The following RNF19B variants were observed in gnomAD, a reference collection of about 807,000 sequenced individuals.
The protein encoded by RNF19B is ring finger protein 19B.
A neutral mutation model predicts 65.5 loss-of-function variants in RNF19B; 23 were observed. The observed-to-expected ratio is 0.35, with a 90% CI of 0.25 to 0.50. The LOEUF (loss-of-function observed/expected upper bound fraction) is 0.50, where lower values mean the gene tolerates loss of function less well. Ranked by LOEUF, RNF19B falls within the 20% of genes least tolerant of loss-of-function variation. RNF19B has a pLI of 0.98. For synonymous variants in RNF19B, 372 were observed against 379.6 expected (o/e 0.98, Z 0.23); for missense variants, 794 against 980.0 (o/e 0.81, Z 2.53).
chr1:32,954,835 A>T (rs1642596868), intron 1 of RNF19B, among the ~76,000 whole-genome samples: 1 of 152,038 alleles, frequency 6.6e-6, no homozygotes, highest in Non-Finnish European at 1.5e-5. Flanking sequence ...ACACGTTCTA[A>T]AACTGCATGT....
intron 8 of RNF19B, chr1:32,938,194 T>G: frequency 9.0e-6 from 2 of 222,946 alleles, no homozygotes; most frequent in Non-Finnish European, 1.5e-5. Flanking sequence ...AGAAAAGAAA[T>G]CTCTAAAAAT....
downstream of RNF19B, among the ~76,000 whole-genome samples, chr1:32,933,269 TTG>T (rs1491335898): frequency 2.1e-4 from 30 of 145,468 alleles, no homozygotes; most frequent in Admixed American, 2.8e-4. Flanking sequence ...TTTTTTTTTT[TTG>T]TGAGACGGAG....
intron 1 of RNF19B, 138 bp from the exon 2 acceptor site, chr1:32,949,912 A>C: frequency 1.6e-6 from 1 of 643,830 alleles, no homozygotes; most frequent in Non-Finnish European, 2.7e-6. Flanking sequence ...ACATACACAC[A>C]TATACACACA....
intron 1 of RNF19B, among the ~76,000 whole-genome samples, chr1:32,957,591 T>C (rs989203232): frequency 2.6e-5 from 4 of 152,130 alleles, no homozygotes; most frequent in Non-Finnish European, 4.4e-5. Flanking sequence ...CCCAGCACTT[T>C]GGGAGGGTGA....
Position 32,937,102 on chromosome 1 carries a change from G to A in RNF19B, c.1900C>T (p.Pro634Ser), listed in dbSNP as rs370533666. The A allele has an allele frequency of 3.7e-6, 6 of 1,614,170 alleles. No homozygotes were observed. In the Admixed American group the frequency reaches 8.3e-5, roughly 22 times the overall value. The change falls in exon 9 of 9, where the codon CCC (proline) becomes TCC (serine). Residue 634 changes from proline to serine, a missense_variant. This residue lies in a region of RNF19B where 368 missense variants were observed against 447.3 expected (regional missense o/e 0.82). Coordinates refer to ENST00000235150, the MANE Select transcript of RNF19B (RefSeq NM_001300826.2). ...TCACAGCTTTGGTGTCTGCAGGGGG[G>A]ATCCTCTTCACTGCCTCCGCCACCA... ...GSGGGGSEED[P>S]PCRHQSCEQK...
At chr1:32,958,738 T>C (rs1422625929) in intron 1 of RNF19B, among the ~76,000 whole-genome samples, 1 of 149,122 alleles carries the variant, frequency 6.7e-6, no homozygotes, top group East Asian at 1.9e-4. Flanking sequence ...AAAAAGATGG[T>C]TGGAAACTGT....
downstream of RNF19B, among the ~76,000 whole-genome samples, chr1:32,934,990 C>T (rs1051430558): frequency 1.3e-5 from 2 of 148,966 alleles, no homozygotes; most frequent in Admixed American, 1.3e-4. Flanking sequence ...CGCCACCACG[C>T]CCAGCTAATT....
At chr1:32,963,955 TTCCCTGCTTGGGACACCCACGCGGGG>T (rs1642835351) in intron 1 of RNF19B, 70 bp downstream of exon 1, 3 of 1,351,678 alleles carry the variant, frequency 2.2e-6, no homozygotes, top group Non-Finnish European at 2.8e-6. Flanking sequence ...CCTTGCGGGT[TTCCCTGCTTGGGACACCCACGCGGGG>T]TCCCTGCTGC....
downstream of RNF19B, among the ~76,000 whole-genome samples, chr1:32,931,972 A>C (rs1316438462): frequency 6.6e-6 from 1 of 152,224 alleles, no homozygotes; most frequent in East Asian, 1.9e-4. Context: ...CTAATCTAAG[A>C]AGCCCATCTT....
rs1041356073 is a variant in RNF19B, at chr1:32,945,496, T to C, written c.1261+18A>G. On this transcript the variant is annotated intron_variant, in intron 5 of 8. Transcript: ENST00000235150. ...TCAGAAAGCTGAGAGAGAAGAGGTG[T>C]GGTCCTGACTAGCTTACCAACACTA... 2.7e-6 allele frequency: 4 copies of C among 1,479,392 alleles called. No individual in the cohort carries two copies. The highest frequency in any genetic ancestry group is 3.8e-6 in the Non-Finnish European group (4 of 1,057,478). The allele number at this position is 1,479,392 out of a possible 1,614,324, so 91.6% of individuals were successfully genotyped here.
intron 1 of RNF19B, among the ~76,000 whole-genome samples, chr1:32,956,005 G>A (rs1557579925): frequency 6.6e-6 from 1 of 152,142 alleles, no homozygotes; most frequent in Non-Finnish European, 1.5e-5. Context: ...AAAGGCAGGA[G>A]GATCACTTGA....
chr1:32,952,367 G>T (rs1278905831), intron 1 of RNF19B, among the ~76,000 whole-genome samples: 2 of 145,956 alleles, frequency 1.4e-5, no homozygotes, highest in Non-Finnish European at 3.0e-5. Context: ...GCTGAGGCAG[G>T]AAGATCGCTT....
In RNF19B at chr1:32,964,458, C is replaced by A; in HGVS notation, c.228G>T (p.Pro76=). The A allele has an allele frequency of 5.1e-6, 5 of 981,706 alleles. No individual in the cohort carries two copies. Among genetic ancestry groups the A allele is most frequent in the Non-Finnish European group, 6.0e-6 (5 of 828,452 alleles). 60.8% of individuals were successfully genotyped at this position (981,706 alleles called of 1,614,324 possible). A position where few individuals can be genotyped will look rare whatever the true frequency, so the allele number is the denominator to read the frequency against. Residue 76 remains proline, a synonymous_variant, in exon 1 of 9, where the codon CCG becomes CCT. Transcript: ENST00000235150. The surrounding 1 kb of genome is among the most constrained non-coding windows in gnomAD (Gnocchi z 6.5). ...CCGGCTCGGCGGGCAGCGCCTCGGG[C>A]GGCGGGCCCTGGGCCGCGGCAGGGG... ...APAPAAAQGP[P]PEALPAEPAA...
chr1:32,946,363 A>AC, intron 4 of RNF19B, 39 bp downstream of exon 4: 1 of 1,595,836 alleles, frequency 6.3e-7, no homozygotes, highest in South Asian at 1.1e-5. Context: ...AACGAACCTA[A>AC]AGTTGAAACA....
intron 7 of RNF19B, among the ~76,000 whole-genome samples, chr1:32,940,874 T>C (rs1048567023): frequency 5.9e-5 from 9 of 152,156 alleles, no homozygotes; most frequent in Non-Finnish European, 1.0e-4. Flanking sequence ...CACAAGTACA[T>C]AGAATTGATT....
rs376592342 is a variant in RNF19B, at chr1:32,961,630, T to A, written c.635+2421A>T. ...CCACCTTAAGTCCGTAGATGACACA[T>A]ATAAAAAAATACATTGTTTATATAT... On this transcript the variant is annotated intron_variant, in intron 1 of 8. Transcript: ENST00000235150. Among the ~76,000 whole-genome samples, 393 of 152,158 alleles carry A rather than the reference T, an allele frequency of 2.6e-3. 19 individuals carry two copies. In the South Asian group the frequency reaches 0.079, roughly 30 times the overall value.
Position 32,938,505 on chromosome 1 carries a change from T to C in RNF19B, c.1634A>G (p.Gln545Arg). Reference sequence around the variant, plus strand: ...TGTGTCTTTGGGGAAAATTTCCTTTTGGACATCGGCTTGAACTTCTAACCT... The same window carrying C: ...TGTGTCTTTGGGGAAAATTTCCTTTCGGACATCGGCTTGAACTTCTAACCT... ...YSRLEVQADV[Q>R]KEIFPKDTAS... Residue 545 changes from glutamine (Q) to arginine (R), a missense_variant, in exon 8 of 9, where the codon CAA (glutamine) becomes CGA (arginine). Gln to Arg is a conservative substitution (Grantham distance 43). Transcript: ENST00000235150. 3 of 1,614,204 alleles carry C rather than the reference T, an allele frequency of 1.9e-6. No homozygotes were observed. The highest frequency in any genetic ancestry group is 2.5e-6 in the Non-Finnish European group (3 of 1,180,028).
intron 1 of RNF19B, among the ~76,000 whole-genome samples, chr1:32,952,429 TAAAAAAAAAA>T (rs375150376): frequency 6.8e-5 from 5 of 73,998 alleles, no homozygotes; most frequent in South Asian, 4.2e-4. Context: ...CCTTTTCTCT[TAAAAAAAAAA>T]AAAAAAAAAA....
At chr1:32,939,658 A>G (rs1296862877) in intron 7 of RNF19B, among the ~76,000 whole-genome samples, 1 of 152,198 alleles carries the variant, frequency 6.6e-6, no homozygotes, top group East Asian at 1.9e-4. Context: ...CTCCTCTTGG[A>G]GCAGCAAACT....
Sources: allele counts gnomAD v4.1 joint callset (sites outside exome capture counted in the v4.1 genomes callset), GRCh38; gene constraint gnomAD v4.1.1; regional missense constraint gnomAD v4.1.1; non-coding constraint Gnocchi (gnomAD v3.1); transcripts MANE v1.5; gene names NCBI Gene and HGNC (gene_info 2026-07-23, HGNC 2026-07-21).